Variants in RGS22 observed in about 807,000 individuals in gnomAD.
RGS22 encodes the protein regulator of G-protein signaling 22.
A neutral mutation model predicts 172.9 loss-of-function variants in RGS22; 148 were observed. The observed-to-expected ratio is 0.86, with a 90% confidence interval of 0.75 to 0.98. The LOEUF is 0.98. Among genes scored for constraint, RGS22 ranks in the 50% least tolerant of loss-of-function variants. The pLI, the probability that RGS22 is intolerant of heterozygous loss-of-function variation, is 0.00. For missense variants in RGS22, 1,347 were observed against 1,440.8 expected, an observed-to-expected ratio of 0.93 and a Z score of 1.05; for synonymous variants, 458 against 480.2, an observed-to-expected ratio of 0.95 and a Z score of 0.60.
intron 20 of RGS22, among the ~76,000 whole-genome samples, chr8:99,992,856 A>G (rs1455847381): frequency 1.3e-5 from 2 of 152,216 alleles, no homozygotes; most frequent in Admixed American, 6.5e-5. Context: ...AATTAACCAC[A>G]TAATTGGAAG....
At position 100,047,558 on chromosome 8, in the gene RGS22, G is replaced by A. The variant is rs181935065; in HGVS notation, c.1728C>T (p.Pro576=). 4.4e-5 allele frequency: 71 copies of A among 1,612,562 alleles called. No homozygotes were observed. Among genetic ancestry groups the A allele is most frequent in the Non-Finnish European group, 5.3e-5 (63 of 1,179,424 alleles). The part of the protein sequence containing the change: ...EFSLSQPPKS[P]NKSPEVKTAT... ...CTGTTTTTACTTCAGGTGATTTATT[G>A]GGAGATTTAGGAGGTTGTGATAAGC... The change falls in exon 11 of 28, where the codon CCC becomes CCT. Residue 576 remains proline (P), a synonymous_variant. Coordinates refer to ENST00000360863, the MANE Select transcript of RGS22 (RefSeq NM_015668.5).
At position 99,969,981 on chromosome 8, in the gene RGS22, A is replaced by G. The variant is rs190703955; in HGVS notation, c.3520-4551T>C. ...TTCTAAAATCAACAACATAATTGGA[A>G]GTAAAACACTCCTCAGCAAATGCAA... On this transcript the variant is annotated intron_variant, in intron 23 of 27. Coordinates refer to ENST00000360863, the MANE Select transcript of RGS22 (RefSeq NM_015668.5). 4.1e-3 allele frequency among the ~76,000 whole-genome samples: 621 copies of G among 152,300 alleles called. 5 individuals carry two copies. The highest frequency in any genetic ancestry group is 4.4e-3 in the Non-Finnish European group (299 of 68,026).
chr8:99,996,650 T>C, intron 19 of RGS22, 120 bp from the exon 20 acceptor site: 2 of 860,112 alleles, frequency 2.3e-6, no homozygotes, highest in Non-Finnish European at 3.6e-6. Context: ...TAGTGAAGTT[T>C]AGGAGAAAGA....
chr8:100,062,852 G>C, intron 8 of RGS22, 100 bp from the exon 9 acceptor site: 2 of 968,330 alleles, frequency 2.1e-6, no homozygotes, highest in Non-Finnish European at 3.1e-6. Context: ...ACAAGTTAAA[G>C]ACTTTCCTAA....
intron 19 of RGS22, 45 bp from the exon 20 acceptor site, chr8:99,996,575 G>C (rs777425610): frequency 2.0e-6 from 3 of 1,475,510 alleles, no homozygotes; most frequent in Non-Finnish European, 2.8e-6. Flanking sequence ...TCAGACTAAA[G>C]GCTTGAAATC....
At chr8:100,047,430 A>G (rs1190997202) in intron 11 of RGS22, 33 bp downstream of exon 11, 4 of 1,556,630 alleles carry the variant, frequency 2.6e-6, no homozygotes, top group African/African-American at 1.4e-5. Flanking sequence ...AGTATTGCAG[A>G]AAAGCACTTA....
intron 9 of RGS22, among the ~76,000 whole-genome samples, chr8:100,056,970 A>G (rs1456178708): frequency 3.9e-5 from 6 of 152,214 alleles, no homozygotes; most frequent in Non-Finnish European, 8.8e-5. Flanking sequence ...GCAGACACTC[A>G]ATGCCAGCCC....
intron 14 of RGS22, among the ~76,000 whole-genome samples, chr8:100,036,839 T>C (rs1819532900): frequency 6.6e-6 from 1 of 152,032 alleles, no homozygotes; most frequent in Non-Finnish European, 1.5e-5. Context: ...GCTCAAGCAA[T>C]CCTCTTGCCT....
At chr8:100,072,300 AGT>A (rs1811046646) in intron 4 of RGS22, 70 bp from the exon 5 acceptor site, 1 of 894,734 alleles carries the variant, frequency 1.1e-6, no homozygotes, top group East Asian at 2.6e-5. Context: ...AACACCTAAT[AGT>A]GAGAGCAATA....
rs1218288337 is a variant in RGS22, at chr8:100,047,466, T to G, written c.1820A>C (p.Lys607Thr). 1 of 1,592,730 alleles carries G rather than the reference T, an allele frequency of 6.3e-7. No individual in the cohort carries two copies. Among genetic ancestry groups the G allele is most frequent in the South Asian group, 1.2e-5 (1 of 85,560 alleles). The change falls in exon 11 of 28, where the codon AAA (lysine) becomes ACA (threonine). Residue 607 changes from lysine (K) to threonine (T), a missense_variant. Lys to Thr is a moderately conservative substitution (Grantham distance 78). Transcript: ENST00000360863. ...PGSSKDDVIE[K>T]GSKYMSESSK... The stretch of plus-strand genomic sequence containing the variant: ...ACACACAAAAAGTTGCACCTACCCT[T>G]TCTCAATCACATCATCCTTAGAAGA...
chr8:100,102,722 A>C (rs564268297), intron 2 of RGS22, among the ~76,000 whole-genome samples: 10 of 152,368 alleles, frequency 6.6e-5, no homozygotes, highest in Admixed American at 3.9e-4. Flanking sequence ...CAGCAAAGGC[A>C]AGGAGACAAG....
intron 20 of RGS22, among the ~76,000 whole-genome samples, chr8:99,992,530 A>G (rs1813872553): frequency 1.3e-5 from 2 of 152,238 alleles, no homozygotes; most frequent in Admixed American, 6.5e-5. Context: ...AGGCCGTTAC[A>G]TAATGCTAAA....
At chr8:100,074,210 T>A (rs1306053738) in intron 4 of RGS22, among the ~76,000 whole-genome samples, 1 of 152,204 alleles carries the variant, frequency 6.6e-6, no homozygotes, top group Non-Finnish European at 1.5e-5. Flanking sequence ...TAATAAAAAA[T>A]TATATTTAGA....
chr8:99,982,176 A>G (rs1812623688), intron 21 of RGS22, 60 bp from the exon 22 acceptor site: 13 of 1,290,192 alleles, frequency 1.0e-5, no homozygotes, highest in Non-Finnish European at 1.4e-5. Context: ...CACTTAATAG[A>G]ACTGTATCAA....
intron 11 of RGS22, among the ~76,000 whole-genome samples, chr8:100,042,473 A>G (rs971386967): frequency 2.0e-5 from 3 of 152,224 alleles, no homozygotes; most frequent in African/African-American, 7.2e-5. Flanking sequence ...ATATTATAAT[A>G]TTTAATCCTC....
intron 24 of RGS22, among the ~76,000 whole-genome samples, chr8:99,964,235 G>T (rs935353655): frequency 6.6e-6 from 1 of 151,998 alleles, no homozygotes; most frequent in African/African-American, 2.4e-5. Context: ...GGAGAATTGC[G>T]CAAGCCCAGG....
chr8:100,019,020 A>G (rs1282224518), intron 14 of RGS22, among the ~76,000 whole-genome samples: 1 of 152,186 alleles, frequency 6.6e-6, no homozygotes, highest in African/African-American at 2.4e-5. Flanking sequence ...GTTTTCCACA[A>G]CTGTCTGTAC....
chr8:99,973,517 G>A (rs1811595380), intron 23 of RGS22, among the ~76,000 whole-genome samples: 1 of 152,130 alleles, frequency 6.6e-6, no homozygotes, highest in Non-Finnish European at 1.5e-5. Context: ...CCTGTCAGGG[G>A]ATGGTGGCAA....
At position 100,003,915 on chromosome 8, in the gene RGS22, A is replaced by G; in HGVS notation, c.2627+11T>C. 6.3e-7 allele frequency: 1 copy of G among 1,594,630 alleles called. No homozygotes were observed. The highest frequency in any genetic ancestry group is 1.7e-4 in the Middle Eastern group (1 of 5,966). On this transcript the variant is annotated intron_variant, in intron 17 of 27. Transcript: ENST00000360863. ...TGTTTTCAGTGAGAAATATATGGTT[A>G]TGTCCCTCACCTTGAAGAATGAGTC...
Sources: allele counts gnomAD v4.1 joint callset (sites outside exome capture counted in the v4.1 genomes callset), GRCh38; gene constraint gnomAD v4.1.1; transcripts MANE v1.5; gene names NCBI Gene and HGNC (gene_info 2026-07-23, HGNC 2026-07-21).